Variants in ROBO2 observed in about 807,000 individuals in gnomAD.
The protein encoded by ROBO2 is roundabout guidance receptor 2, also known as roundabout homolog 2.
A neutral mutation model predicts 160.8 loss-of-function variants in ROBO2; 53 were observed. That is an observed-to-expected ratio of 0.33 (90% CI 0.26 to 0.41). ROBO2 has a LOEUF of 0.41. Ranked by LOEUF, ROBO2 falls within the 10% of genes least tolerant of loss-of-function variation. The pLI is 1.00. For synonymous variants in ROBO2, 664 were observed against 611.7 expected, an observed-to-expected ratio of 1.09 and a Z score of -1.26; for missense variants, 1,577 against 1,722.4, an observed-to-expected ratio of 0.92 and a Z score of 1.49.
chr3:77,155,785 A>G (rs2077957925), intron 2 of ROBO2, among the ~76,000 whole-genome samples: 1 of 151,656 alleles, frequency 6.6e-6, no homozygotes, highest in South Asian at 2.1e-4. Flanking sequence ...TCTTCGTTTG[A>G]CCCCTCAAAA....
rs2077145833 is a variant in ROBO2, at chr3:77,146,710, G to A, written c.388+48370G>A. Among the ~76,000 whole-genome samples the A allele has an allele frequency of 2.6e-5, 4 of 152,144 alleles. No individual in the cohort carries two copies. In the South Asian group the frequency reaches 6.2e-4, roughly 24 times the overall value. ...TGGCCAGGCATGGTGGCTCACGCTT[G>A]TAATCCCAGCACTTTGGGAGGCCGA... is the stretch of plus-strand genomic sequence containing the variant. On this transcript the variant is annotated intron_variant, in intron 2 of 25. Coordinates refer to ENST00000461745, the Ensembl canonical transcript of ROBO2.
chr3:77,101,444 A>G (rs1342196315), intron 2 of ROBO2, among the ~76,000 whole-genome samples: 1 of 152,158 alleles, frequency 6.6e-6, no homozygotes, highest in Non-Finnish European at 1.5e-5. Context: ...ATGAAATAGT[A>G]AGCTTAAAAT....
At chr3:77,205,635 T>G (rs2083362219) in intron 2 of ROBO2, among the ~76,000 whole-genome samples, 1 of 152,266 alleles carries the variant, frequency 6.6e-6, no homozygotes, top group Middle Eastern at 3.4e-3. Context: ...CTTCCTCTTC[T>G]ACCGTATTTC....
intron 2 of ROBO2, among the ~76,000 whole-genome samples, chr3:76,292,961 G>C (rs1446059794): frequency 2.0e-5 from 3 of 146,888 alleles, no homozygotes; most frequent in Non-Finnish European, 1.5e-5. Context: ...GAAAGTACTA[G>C]GGTTTTTTTT....
At position 76,518,049 on chromosome 3, in the gene ROBO2, G is replaced by A. The variant is rs573852068; in HGVS notation, c.110-579965G>A. On this transcript the variant is annotated intron_variant, in intron 2 of 26. Transcript: ENST00000487694. ...TTTCTACACTCTGTAAAGAGACATT[G>A]GCATTAGATTTAGAATACATTGTAA... 2.4e-4 allele frequency among the ~76,000 whole-genome samples: 37 copies of A among 152,134 alleles called. 2 individuals are homozygous for A. The South Asian group carries it at 7.5e-3, about 31-fold the overall frequency.
chr3:76,152,346 A>G (rs2072243194), intron 2 of ROBO2, among the ~76,000 whole-genome samples: 1 of 152,182 alleles, frequency 6.6e-6, no homozygotes, highest in Non-Finnish European at 1.5e-5. Flanking sequence ...TAAAACTTTG[A>G]CTGTAGGATG....
At chr3:76,570,150 A>G (rs899935052) in intron 2 of ROBO2, among the ~76,000 whole-genome samples, 5 of 152,074 alleles carry the variant, frequency 3.3e-5, no homozygotes, top group Admixed American at 6.6e-5. Flanking sequence ...TAAAAAATAA[A>G]GATTCTAATA....
chr3:76,262,642 A>C (rs1706842274), intron 2 of ROBO2, among the ~76,000 whole-genome samples: 1 of 152,134 alleles, frequency 6.6e-6, no homozygotes, highest in Non-Finnish European at 1.5e-5. Context: ...CACATGTAAT[A>C]TTTGAAAAAG....
At chr3:77,140,241 T>A (rs562757221) in intron 2 of ROBO2, among the ~76,000 whole-genome samples, 13 of 152,276 alleles carry the variant, frequency 8.5e-5, no homozygotes, top group African/African-American at 3.1e-4. Context: ...CTGAGTTTTT[T>A]AGATTAAGAT....
intron 2 of ROBO2, among the ~76,000 whole-genome samples, chr3:76,478,841 T>G (rs1365520641): frequency 3.3e-5 from 5 of 151,922 alleles, no homozygotes; most frequent in South Asian, 2.1e-4. Flanking sequence ...TCTGGCTAAT[T>G]TATTTTCTGT....
chr3:77,307,217 G>A (rs1007192698), intron 2 of ROBO2, among the ~76,000 whole-genome samples: 1 of 152,154 alleles, frequency 6.6e-6, no homozygotes, highest in African/African-American at 2.4e-5. Flanking sequence ...AAAAGATAGG[G>A]AGGTGGCAAA....
chr3:76,913,704 C>T (rs528544905), intron 2 of ROBO2, among the ~76,000 whole-genome samples: 1 of 152,284 alleles, frequency 6.6e-6, no homozygotes, highest in South Asian at 2.1e-4. Flanking sequence ...TTTTGGGCCA[C>T]TGCAAGATCA....
At chr3:76,443,433 G>A (rs905899889) in intron 2 of ROBO2, among the ~76,000 whole-genome samples, 12 of 152,024 alleles carry the variant, frequency 7.9e-5, no homozygotes, top group East Asian at 1.9e-4. Context: ...CTGAGTATAC[G>A]TAGGGACTAT....
chr3:76,875,178 T>C (rs10446372), intron 2 of ROBO2, among the ~76,000 whole-genome samples: 68,094 of 151,932 alleles, frequency 0.45, 15,623 homozygotes, highest in East Asian at 0.6. Flanking sequence ...TATAGCATTC[T>C]CCACTTCAGG....
At chr3:76,455,821 C>G (rs2077721087) in intron 2 of ROBO2, among the ~76,000 whole-genome samples, 1 of 152,144 alleles carries the variant, frequency 6.6e-6, no homozygotes, top group Non-Finnish European at 1.5e-5. Flanking sequence ...ATTCATTAAG[C>G]AAATGAATAT....
chr3:77,031,470 T>C (rs2063318845), intron 2 of ROBO2, among the ~76,000 whole-genome samples: 1 of 147,132 alleles, frequency 6.8e-6, no homozygotes, highest in Non-Finnish European at 1.5e-5. Context: ...AAATGATATA[T>C]GACTATTATA....
At chr3:75,997,407 A>G (rs1005321676) in intron 2 of ROBO2, among the ~76,000 whole-genome samples, 2 of 152,302 alleles carry the variant, frequency 1.3e-5, no homozygotes. Context: ...TCTCTGCAAA[A>G]GAACTTTTGG....
chr3:77,063,626 G>A (rs1164332703), intron 1 of ROBO2, among the ~76,000 whole-genome samples: 2 of 152,152 alleles, frequency 1.3e-5, no homozygotes, highest in African/African-American at 4.8e-5. Context: ...ACTTACGTTA[G>A]GCTACTTCGT....
At chr3:76,760,284 C>T (rs888829256) in intron 2 of ROBO2, among the ~76,000 whole-genome samples, 8 of 151,624 alleles carry the variant, frequency 5.3e-5, no homozygotes, top group South Asian at 4.2e-4. Flanking sequence ...TCCAAATTAC[C>T]GAAAGTAGTA....
Sources: allele counts gnomAD v4.1 joint callset (sites outside exome capture counted in the v4.1 genomes callset), GRCh38; gene constraint gnomAD v4.1.1; transcripts MANE v1.5; gene names NCBI Gene and HGNC (gene_info 2026-07-23, HGNC 2026-07-21).